MLF1: variants seen among roughly 807,000 people sequenced by gnomAD.
MLF1 encodes myeloid leukemia factor 1, also known as myelodysplasia-myeloid leukemia factor 1.
Under a neutral mutation model 38.3 loss-of-function variants are expected in MLF1, and 37 were observed. That is an observed-to-expected ratio of 0.96 (90% CI 0.74 to 1.27). The LOEUF is 1.27. MLF1 is among the 50% of genes most tolerant of loss of function. The pLI, the probability that MLF1 is intolerant of heterozygous loss-of-function variation, is 0.00. For synonymous variants in MLF1, 95 were observed against 106.5 expected, an observed-to-expected ratio of 0.89 and a Z score of 0.66; for missense variants, 331 against 349.2, an observed-to-expected ratio of 0.95 and a Z score of 0.42.
intron 4 of MLF1, 65 bp from the exon 5 acceptor site, chr3:158,598,015 T>A: frequency 6.5e-7 from 1 of 1,545,158 alleles, no homozygotes; most frequent in South Asian, 1.1e-5. Flanking sequence ...TGTTACTTAT[T>A]TGAACTCTCT....
At position 158,600,191 on chromosome 3, in the gene MLF1, AAT is replaced by A; in HGVS notation, c.613+20_613+21del. 7.3e-7 allele frequency: 1 copy of A among 1,373,422 alleles called. No homozygotes were observed. The highest frequency in any genetic ancestry group is 2.7e-5 in the Admixed American group (1 of 36,882). The allele number at this position is 1,373,422 out of a possible 1,614,324, so 85.1% of individuals were successfully genotyped here. ...GAATGAAAGTAAGTTATCACAAAAA[AAT>A]AATATTCTTTCTTATAAATTTAAAA... On this transcript the variant is annotated intron_variant, in intron 6 of 7. Transcript: ENST00000466246.
At chr3:158,604,858 C>T (rs922837972) in intron 7 of MLF1, among the ~76,000 whole-genome samples, 1 of 152,124 alleles carries the variant, frequency 6.6e-6, no homozygotes, top group Non-Finnish European at 1.5e-5. Context: ...GGGGTTTCAT[C>T]ATGTTGGCCA....
At chr3:158,603,656 G>A (rs1432502648) in intron 7 of MLF1, among the ~76,000 whole-genome samples, 2 of 151,992 alleles carry the variant, frequency 1.3e-5, no homozygotes, top group East Asian at 3.9e-4. Context: ...TGGCCAACAT[G>A]GTGAAACCCC....
intron 1 of MLF1, among the ~76,000 whole-genome samples, chr3:158,572,137 G>T (rs182850006): frequency 1.2e-3 from 132 of 113,432 alleles, no homozygotes; most frequent in Middle Eastern, 5.9e-3. Context: ...GAAGGTGTGA[G>T]GTGTAGGAGG....
At chr3:158,600,307 T>A in intron 6 of MLF1, 134 bp downstream of exon 6, 1 of 440,886 alleles carries the variant, frequency 2.3e-6, no homozygotes, top group Non-Finnish European at 3.8e-6. Flanking sequence ...CTTGTGAAAG[T>A]AATAGGATTG....
intron 1 of MLF1, among the ~76,000 whole-genome samples, chr3:158,576,671 ATTT>A (rs11341425): frequency 2.3e-5 from 3 of 132,716 alleles, no homozygotes; most frequent in Admixed American, 7.8e-5. Flanking sequence ...GTCAACCTTA[ATTT>A]TTTTTTTTTT....
chr3:158,575,077 A>G (rs907377032), intron 1 of MLF1, among the ~76,000 whole-genome samples: 4 of 152,010 alleles, frequency 2.6e-5, no homozygotes, highest in African/African-American at 9.7e-5. Context: ...GGTCAGAAAT[A>G]GTAACAGACT....
rs771276973 is a variant in MLF1 at position 158,600,093 on chromosome 3, G to A, written c.533G>A (p.Arg178Gln). 47 of 1,484,878 alleles carry A rather than the reference G, an allele frequency of 3.2e-5. No individual in the cohort carries two copies. The highest frequency in any genetic ancestry group is 7.7e-5 in the East Asian group (3 of 39,016). The allele number at this position is 1,484,878 out of a possible 1,614,324, so 92.0% of individuals were successfully genotyped here. A position where few individuals can be genotyped will look rare whatever the true frequency, so the allele number is the denominator to read the frequency against. Residue 178 changes from arginine (R) to glutamine (Q), a missense_variant, in exon 6 of 8, where the codon CGA becomes CAA. Transcript: ENST00000466246. ...GCTATTGGTCATCATATCCATGACC[G>A]AGCTCATGTCATTAAAAAGTCAAAG... ...KMAIGHHIHD[R>Q]AHVIKKSKNK... is the part of the protein sequence containing the mutation.
chr3:158,604,771 G>A (rs1456517917), intron 7 of MLF1, among the ~76,000 whole-genome samples: 1 of 152,116 alleles, frequency 6.6e-6, no homozygotes, highest in Non-Finnish European at 1.5e-5. Flanking sequence ...CAATCCTCCT[G>A]CTTCAGCCTC....
Position 158,602,868 on chromosome 3 carries a change from A to G in MLF1, c.675A>G (p.Arg225=), listed in dbSNP as rs1720000697. The change falls in exon 7 of 8, where the codon CGA becomes CGG. Residue 225 remains arginine, a synonymous_variant. Transcript: ENST00000466246. Reference sequence around the variant, plus strand: ...AGGTTTTGAAGTACAAACCAGGACGACACAATCTAGGAAACACTAGAATGA... The same window carrying G: ...AGGTTTTGAAGTACAAACCAGGACGGCACAATCTAGGAAACACTAGAATGA... The part of the protein sequence containing the change: ...QSEVLKYKPG[R]HNLGNTRMRS... The G allele has an allele frequency of 6.2e-7, 1 of 1,613,806 alleles. No homozygotes were observed. Among genetic ancestry groups the G allele is most frequent in the African/African-American group, 1.3e-5 (1 of 74,938 alleles).
At chr3:158,599,896 T>G (rs1291416746) in intron 5 of MLF1, 118 bp from the exon 6 acceptor site, 1 of 373,100 alleles carries the variant, frequency 2.7e-6, no homozygotes, top group Non-Finnish European at 4.5e-6. Context: ...ATAGTGGAAC[T>G]GAGCACACAT....
In MLF1 at chr3:158,601,201, G is replaced by A. The variant is rs575348939; in HGVS notation, c.613+1028G>A. Among the ~76,000 whole-genome samples the A allele has an allele frequency of 3.3e-5, 5 of 152,138 alleles. 1 individual carries two copies. The highest frequency in any genetic ancestry group is 1.2e-4 in the African/African-American group (5 of 41,526). On this transcript the variant is annotated intron_variant, in intron 6 of 7. Coordinates refer to ENST00000466246, the MANE Select transcript of MLF1 (RefSeq NM_001369783.1). ...TGTAATCCCAGCACTTTGAGAGGCC[G>A]AGGCAGGTAGATCATGGGGTCATAA...
At position 158,585,636 on chromosome 3, in the gene MLF1, A is replaced by G. The variant is rs1717138362; in HGVS notation, c.48-6798A>G. ...TAAATTTTTTTAGAAAAATGAGTTA[A>G]GCAGAATGTTCACAAGCAAAGAGTA... On this transcript the variant is annotated intron_variant, in intron 1 of 7. Coordinates refer to ENST00000466246, the MANE Select transcript of MLF1 (RefSeq NM_001369783.1). Among the ~76,000 whole-genome samples the G allele has an allele frequency of 2.0e-5, 3 of 152,324 alleles. No individual in the cohort carries two copies. In the South Asian group the frequency reaches 6.2e-4, roughly 32 times the overall value.
In MLF1 at chr3:158,592,376, CTACT is replaced by C. The variant is rs1718279400; in HGVS notation, c.48-53_48-50del. 108 of 1,443,926 alleles carry C rather than the reference CTACT, an allele frequency of 7.5e-5. 4 individuals are homozygous for C. The South Asian group carries it at 1.4e-3, about 19-fold the overall frequency. The allele number at this position is 1,443,926 out of a possible 1,614,324, so 89.4% of individuals were successfully genotyped here. On this transcript the variant is annotated intron_variant, in intron 1 of 7. Transcript: ENST00000466246. ...ATAATTATTTGTAATATTTACCTGC[CTACT>C]TACTATTTAAACTCCAACACTGAAT...
At chr3:158,572,010 G>T (rs1326310726) in intron 1 of MLF1, among the ~76,000 whole-genome samples, 1 of 46,152 alleles carries the variant, frequency 2.2e-5, no homozygotes. Flanking sequence ...GGTGGAGGGG[G>T]GAGGGTTGAG....
chr3:158,597,267 A>G (rs984565167), intron 4 of MLF1, among the ~76,000 whole-genome samples: 1 of 151,692 alleles, frequency 6.6e-6, no homozygotes, highest in African/African-American at 2.4e-5. Flanking sequence ...TAAAAATTGG[A>G]AAAAAAATAA....
At position 158,602,709 on chromosome 3, in the gene MLF1, A is replaced by C. The variant is rs943810780; in HGVS notation, c.614-98A>C. ...CTGCCTCTGTATTGAGGTTACACTA[A>C]TGAAAACACCAGACTAGACTGAAAT... On this transcript the variant is annotated intron_variant, in intron 6 of 7. Coordinates refer to ENST00000466246, the MANE Select transcript of MLF1 (RefSeq NM_001369783.1). The C allele has an allele frequency of 1.4e-5, 17 of 1,217,144 alleles. No homozygotes were observed. The African/African-American group carries it at 2.1e-4, about 15-fold the overall frequency. 75.4% of individuals were successfully genotyped at this position (1,217,144 alleles called of 1,614,324 possible). A position where few individuals can be genotyped will look rare whatever the true frequency, so the allele number is the denominator to read the frequency against.
intron 2 of MLF1, 133 bp downstream of exon 2, chr3:158,592,714 G>C (rs1718337095): frequency 2.7e-6 from 2 of 727,622 alleles, no homozygotes; most frequent in South Asian, 6.3e-5. Context: ...TTATATAAAA[G>C]GGGGGACCTT....
intron 1 of MLF1, among the ~76,000 whole-genome samples, chr3:158,576,908 G>A (rs1327100949): frequency 6.6e-6 from 1 of 151,958 alleles, no homozygotes; most frequent in Non-Finnish European, 1.5e-5. Flanking sequence ...TCCTGATCTC[G>A]TGATATGCTG....
Sources: gnomAD v4.1 joint callset for allele counts (sites outside exome capture counted in the v4.1 genomes callset) on GRCh38, gnomAD v4.1.1 for gene constraint, MANE v1.5 for transcripts, NCBI Gene and HGNC (gene_info 2026-07-23, HGNC 2026-07-21) for gene names.